PHTF2: variants seen among roughly 807,000 people sequenced by gnomAD.
PHTF2 encodes the protein putative homeodomain transcription factor 2.
A neutral mutation model predicts 101.2 loss-of-function variants in PHTF2; 60 were observed. That is an observed-to-expected ratio of 0.59 (90% CI 0.48 to 0.73). The LOEUF is 0.73. PHTF2 is among the 30% of genes least tolerant of loss of function. The pLI is 0.00. For synonymous variants in PHTF2, 311 were observed against 307.3 expected (o/e 1.01, Z -0.13); for missense variants, 747 against 908.7 (o/e 0.82, Z 2.29).
chr7:77,944,443 C>T (rs1246965843), intron 16 of PHTF2, among the ~76,000 whole-genome samples: 1 of 152,212 alleles, frequency 6.6e-6, no homozygotes, highest in African/African-American at 2.4e-5. Flanking sequence ...ATAATTATAA[C>T]TCTTCCCTTA....
rs1426693429 is a variant in PHTF2 at position 77,954,612 on chromosome 7, G to GTGTGTATA, written c.2338-245_2338-244insGTGTATAT. Among the ~76,000 whole-genome samples the GTGTGTATA allele has an allele frequency of 4.3e-3, 386 of 90,168 alleles. 2 individuals are homozygous for GTGTGTATA. The highest frequency in any genetic ancestry group is 0.016 in the East Asian group (41 of 2,570). 59.2% of individuals were successfully genotyped at this position (90,168 alleles called of 152,430 possible). ...GATAATCATATTAAACAAGTACTGT[G>GTGTGTATA]TATATATATATATATATATATATAT... is the stretch of plus-strand genomic sequence containing the variant. On this transcript the variant is annotated intron_variant, in intron 19 of 19. Coordinates refer to ENST00000416283, the Ensembl canonical transcript of PHTF2.
chr7:77,816,975 G>A (rs894884611), intron 1 of PHTF2, among the ~76,000 whole-genome samples: 1 of 152,154 alleles, frequency 6.6e-6, no homozygotes, highest in Non-Finnish European at 1.5e-5. Context: ...CTGTTGTTGG[G>A]CATGTAGGTT....
At chr7:77,870,851 T>C (rs1798458422) in intron 3 of PHTF2, among the ~76,000 whole-genome samples, 1 of 152,194 alleles carries the variant, frequency 6.6e-6, no homozygotes, top group Non-Finnish European at 1.5e-5. Flanking sequence ...CAAATACTAT[T>C]ACATAAAGTT....
chr7:77,802,373 C>G (rs1372286278), intron 1 of PHTF2, among the ~76,000 whole-genome samples: 1 of 152,166 alleles, frequency 6.6e-6, no homozygotes, highest in Non-Finnish European at 1.5e-5. Context: ...CCTTCCAATA[C>G]TTACTTTCCC....
At chr7:77,800,853 A>G (rs1226645499) in intron 1 of PHTF2, among the ~76,000 whole-genome samples, 1 of 152,240 alleles carries the variant, frequency 6.6e-6, no homozygotes, top group Non-Finnish European at 1.5e-5. Flanking sequence ...TAGTTTAACT[A>G]ATTTGTTCAA....
intron 3 of PHTF2, among the ~76,000 whole-genome samples, chr7:77,856,698 G>A (rs1036706698): frequency 1.3e-5 from 2 of 151,818 alleles, no homozygotes; most frequent in African/African-American, 2.4e-5. Context: ...TTTCCTTGCC[G>A]TTATTCCCTA....
At chr7:77,858,417 G>A (rs923210278) in intron 3 of PHTF2, among the ~76,000 whole-genome samples, 3 of 152,048 alleles carry the variant, frequency 2.0e-5, no homozygotes, top group Non-Finnish European at 4.4e-5. Flanking sequence ...TGCTTTATAG[G>A]CAAGAAATCG....
At chr7:77,921,143 T>C (rs1244560368) in intron 10 of PHTF2, among the ~76,000 whole-genome samples, 1 of 152,254 alleles carries the variant, frequency 6.6e-6, no homozygotes, top group Non-Finnish European at 1.5e-5. Context: ...ATGTTCTCTA[T>C]AAGAAGATAT....
Position 77,840,234 on chromosome 7 carries a change from A to G in PHTF2, c.-22A>G, listed in dbSNP as rs754934307. Reference sequence around the variant, plus strand: ...TCTCTTGCACAGCCTAAAATGACCAATGTGTGATTTCAGTGGAATAAATGG... The same window carrying G: ...TCTCTTGCACAGCCTAAAATGACCAGTGTGTGATTTCAGTGGAATAAATGG... On this transcript the variant is annotated 5_prime_UTR_variant, in exon 2 of 20. The change abolishes an upstream ATG in the 5' untranslated region. Transcript: ENST00000416283. 1.2e-5 allele frequency: 19 copies of G among 1,583,290 alleles called. No homozygotes were observed. In the Middle Eastern group the frequency reaches 8.3e-4, roughly 69 times the overall value.
intron 1 of PHTF2, among the ~76,000 whole-genome samples, chr7:77,832,284 A>G (rs965082943): frequency 6.6e-6 from 1 of 152,214 alleles, no homozygotes; most frequent in Non-Finnish European, 1.5e-5. Context: ...AGATTTTTAA[A>G]GAGACTCAGC....
At chr7:77,912,480 A>G (rs747016003) in intron 9 of PHTF2, among the ~76,000 whole-genome samples, 2 of 152,162 alleles carry the variant, frequency 1.3e-5, no homozygotes, top group African/African-American at 2.4e-5. Context: ...TCAACTTATC[A>G]ACTAAGACTT....
intron 11 of PHTF2, among the ~76,000 whole-genome samples, chr7:77,925,602 C>T (rs1183765994): frequency 2.7e-4 from 39 of 143,310 alleles, no homozygotes; most frequent in Middle Eastern, 3.7e-3. Flanking sequence ...CTCCGCCTCC[C>T]GGGTTCAAGT....
intron 6 of PHTF2, among the ~76,000 whole-genome samples, chr7:77,901,451 C>A (rs924703471): frequency 2.1e-5 from 2 of 96,274 alleles, no homozygotes; most frequent in African/African-American, 4.3e-5. Flanking sequence ...GAGTGAGATC[C>A]TATCTCAACA....
intron 3 of PHTF2, among the ~76,000 whole-genome samples, chr7:77,875,503 A>G (rs1798853853): frequency 6.6e-6 from 1 of 150,866 alleles, no homozygotes; most frequent in Non-Finnish European, 1.5e-5. Context: ...CATGGTTGTT[A>G]TATTTGTTGA....
intron 15 of PHTF2, among the ~76,000 whole-genome samples, chr7:77,942,277 A>T (rs1213634531): frequency 6.6e-6 from 1 of 152,196 alleles, no homozygotes; most frequent in Non-Finnish European, 1.5e-5. Context: ...AATTTATCAC[A>T]TATATCTGTG....
chr7:77,942,757 A>G (rs555394984), exon 16 of PHTF2: 5 of 1,598,042 alleles, frequency 3.1e-6, no homozygotes, highest in South Asian at 2.3e-5. Context: ...CTTATTGACT[A>G]TCTCAGTTGT....
chr7:77,834,704 G>A (rs190200526), intron 1 of PHTF2, among the ~76,000 whole-genome samples: 13 of 152,300 alleles, frequency 8.5e-5, no homozygotes, highest in Admixed American at 6.5e-4. Context: ...TTATTCAAGA[G>A]CACACAGCTC....
intron 3 of PHTF2, among the ~76,000 whole-genome samples, chr7:77,888,724 A>G (rs906623889): frequency 6.6e-6 from 1 of 152,208 alleles, no homozygotes; most frequent in African/African-American, 2.4e-5. Context: ...TTCACAGAGA[A>G]CTATAATTGA....
chr7:77,893,734 G>A, intron 4 of PHTF2, 70 bp downstream of exon 3: 1 of 698,622 alleles, frequency 1.4e-6, no homozygotes, highest in Non-Finnish European at 2.5e-6. Flanking sequence ...ATTTTCTGTA[G>A]TGTTTTTTAA....
Sources: allele counts gnomAD v4.1 joint callset (sites outside exome capture counted in the v4.1 genomes callset), GRCh38; gene constraint gnomAD v4.1.1; transcripts MANE v1.5; gene names NCBI Gene and HGNC (gene_info 2026-07-23, HGNC 2026-07-21).